The following PPP1R1C variants were observed in gnomAD, a reference collection of about 807,000 sequenced individuals.
PPP1R1C encodes the protein protein phosphatase 1 regulatory subunit 1C.
PPP1R1C carries 15 observed loss-of-function variants against 17.4 expected under a neutral mutation model. The ratio of observed to expected loss-of-function variants is 0.86; its 90% CI spans 0.58 to 1.33. The LOEUF (loss-of-function observed/expected upper bound fraction) is 1.33, where lower values mean the gene tolerates loss of function less well. Among genes scored for constraint, PPP1R1C ranks in the 40% most tolerant of loss-of-function variants. The pLI, the probability that PPP1R1C is intolerant of heterozygous loss-of-function variation, is 0.00. For missense variants in PPP1R1C, 143 were observed against 130.0 expected, an observed-to-expected ratio of 1.10 and a Z score of -0.48; for synonymous variants, 35 against 43.1, an observed-to-expected ratio of 0.81 and a Z score of 0.73.
At position 181,972,495 on chromosome 2, in the gene PPP1R1C, CA is replaced by C. The variant is rs139608076; in HGVS notation, n.112-2714del. On this transcript the variant is annotated intron_variant and non_coding_transcript_variant, in intron 1 of 5. Coordinates refer to the PPP1R1C transcript ENST00000464264. ...TTCGTGTAATTACTTTTTAATAGGA[CA>C]AAAAAAAAACACAATACATCAACAA... Among the ~76,000 whole-genome samples, 97 of 143,366 alleles carry C rather than the reference CA, an allele frequency of 6.8e-4. 1 individual carries two copies. The highest frequency in any genetic ancestry group is 1.9e-3 in the Admixed American group (27 of 14,382). The allele number at this position is 143,366 out of a possible 152,430, so 94.1% of individuals were successfully genotyped here. A position where few individuals can be genotyped will look rare whatever the true frequency, so the allele number is the denominator to read the frequency against.
rs183674089 is a variant in PPP1R1C, at chr2:181,957,828, G to C, written n.111+3194G>C. On this transcript the variant is annotated intron_variant and non_coding_transcript_variant, in intron 1 of 5. Transcript: ENST00000464264. The surrounding 1 kb of genome is among the most constrained non-coding windows in gnomAD (Gnocchi z 4.2). ...TCTTCTGGTGGCTGAGGGTCTTGTT[G>C]GATGACTGCATTGCTAATCTTGCCA... Among the ~76,000 whole-genome samples, 16 of 152,272 alleles carry C rather than the reference G, an allele frequency of 1.1e-4. No homozygotes were observed. The highest frequency in any genetic ancestry group is 3.3e-4 in the Admixed American group (5 of 15,294).
In PPP1R1C at chr2:181,961,555, T is replaced by A; in HGVS notation, n.111+6921T>A. On this transcript the variant is annotated intron_variant and non_coding_transcript_variant, in intron 1 of 5. Coordinates refer to the PPP1R1C transcript ENST00000464264. This position sits in a 1 kb window ranked among gnomAD's most constrained non-coding sequence, Gnocchi z 5.8. ...CTTCAGATTTCTCATGGAGTCCAGG[T>A]CCATCTTTAAGGACTGGACTGTACG... 1 of 805,154 alleles carries A rather than the reference T, an allele frequency of 1.2e-6. No homozygotes were observed. Among genetic ancestry groups the A allele is most frequent in the Middle Eastern group, 3.0e-4 (1 of 3,348 alleles). 49.9% of individuals were successfully genotyped at this position (805,154 alleles called of 1,614,324 possible).
chr2:182,049,149 A>G (rs1353596677), intron 2 of PPP1R1C, among the ~76,000 whole-genome samples: 3 of 152,158 alleles, frequency 2.0e-5, no homozygotes, highest in East Asian at 3.9e-4. Context: ...TCTGGCCAAC[A>G]TGGTGAAACC....
chr2:182,126,599 A>G (rs183117002), intron 5 of PPP1R1C, among the ~76,000 whole-genome samples: 52 of 152,174 alleles, frequency 3.4e-4, no homozygotes, highest in South Asian at 8.3e-4. Flanking sequence ...AACATCTCAC[A>G]TAATTCACAC....
chr2:182,020,467 A>C (rs1002199222), intron 2 of PPP1R1C, among the ~76,000 whole-genome samples: 1 of 152,146 alleles, frequency 6.6e-6, no homozygotes, highest in Admixed American at 6.5e-5. Flanking sequence ...GGTAAAGGTA[A>C]ACGTTTGCAG....
At chr2:182,033,206 G>A (rs1031723584) in intron 2 of PPP1R1C, among the ~76,000 whole-genome samples, 19 of 151,968 alleles carry the variant, frequency 1.3e-4, no homozygotes, top group African/African-American at 4.4e-4. Flanking sequence ...ATCTTGCTCT[G>A]CTCCTAAGTT....
At chr2:182,066,968 TTG>T (rs3064017) in intron 4 of PPP1R1C, among the ~76,000 whole-genome samples, 9,073 of 144,740 alleles carry the variant, frequency 0.063, 379 homozygotes, top group East Asian at 0.18. Context: ...GTGTGTGTGT[TTG>T]TGTGTGTGTG....
In PPP1R1C at chr2:182,051,527, C is replaced by T. The variant is rs182662331; in HGVS notation, c.143-9915C>T. 5.3e-5 allele frequency among the ~76,000 whole-genome samples: 8 copies of T among 152,178 alleles called. No individual in the cohort carries two copies. In the East Asian group the frequency reaches 7.7e-4, roughly 15 times the overall value. On this transcript the variant is annotated intron_variant, in intron 2 of 4. Transcript: ENST00000682840. ...TCCATTGATAGACATTTAAAAAAAA[C>T]GGTCACGAAATAACTTTATCACCAT...
chr2:182,095,352 C>A (rs1688902035), intron 4 of PPP1R1C, among the ~76,000 whole-genome samples: 1 of 151,946 alleles, frequency 6.6e-6, no homozygotes, highest in South Asian at 2.1e-4. Context: ...CCTATATAAT[C>A]TTTTTAAAAT....
intron 4 of PPP1R1C, among the ~76,000 whole-genome samples, chr2:182,081,073 C>G (rs1688460844): frequency 6.6e-6 from 1 of 152,164 alleles, no homozygotes; most frequent in African/African-American, 2.4e-5. Context: ...TGATGATTAA[C>G]TTCATTTAAA....
At chr2:182,014,467 C>T (rs1236684290) in intron 2 of PPP1R1C, among the ~76,000 whole-genome samples, 2 of 151,726 alleles carry the variant, frequency 1.3e-5, no homozygotes, top group Admixed American at 1.3e-4. Context: ...GTGTGGCCAC[C>T]ACTGGGACTG....
chr2:182,016,085 T>C (rs1353034914), intron 2 of PPP1R1C, among the ~76,000 whole-genome samples: 4 of 152,112 alleles, frequency 2.6e-5, no homozygotes, highest in African/African-American at 4.8e-5. Flanking sequence ...ACTACCTGAG[T>C]CTCAGGATTC....
intron 1 of PPP1R1C, among the ~76,000 whole-genome samples, chr2:181,972,908 A>T (rs952345882): frequency 6.6e-6 from 1 of 152,188 alleles, no homozygotes; most frequent in South Asian, 2.1e-4. Flanking sequence ...CCTGCTAGAA[A>T]TTTCATGTTC....
chr2:182,002,935 C>CT (rs1553502177), intron 2 of PPP1R1C, among the ~76,000 whole-genome samples: 3 of 138,836 alleles, frequency 2.2e-5, no homozygotes, highest in Non-Finnish European at 1.6e-5. Flanking sequence ...AAACCTCCCC[C>CT]CCCCCACAAC....
At chr2:182,061,420 A>T in intron 2 of PPP1R1C, 22 bp from the exon 3 acceptor site, 1 of 1,427,534 alleles carries the variant, frequency 7.0e-7, no homozygotes, top group Non-Finnish European at 9.4e-7. Context: ...TGCCTAATAC[A>T]TTCTACCTAC....
intron 2 of PPP1R1C, chr2:182,023,817 T>G (rs1385322246): frequency 6.6e-6 from 1 of 151,998 alleles, no homozygotes; most frequent in Non-Finnish European, 1.5e-5. Flanking sequence ...AATTTTTTTT[T>G]GTAGAAACCA....
chr2:182,081,820 G>A (rs1364120115), intron 4 of PPP1R1C, among the ~76,000 whole-genome samples: 1 of 152,100 alleles, frequency 6.6e-6, no homozygotes, highest in Admixed American at 6.5e-5. Flanking sequence ...ATAAAAGGCT[G>A]TGCCCATTTC....
chr2:182,051,054 C>A (rs112110780), intron 2 of PPP1R1C, among the ~76,000 whole-genome samples: 1 of 152,192 alleles, frequency 6.6e-6, no homozygotes, highest in East Asian at 1.9e-4. Context: ...TGAAAATAAC[C>A]TATCCTCACC....
chr2:182,044,981 C>G (rs1574406615), intron 2 of PPP1R1C, among the ~76,000 whole-genome samples: 1 of 152,154 alleles, frequency 6.6e-6, no homozygotes, highest in South Asian at 2.1e-4. Flanking sequence ...GTCTCTCTAT[C>G]TATAGATATA....
Sources: gnomAD v4.1 joint callset for allele counts (sites outside exome capture counted in the v4.1 genomes callset) on GRCh38, gnomAD v4.1.1 for gene constraint, Gnocchi (gnomAD v3.1) non-coding constraint, MANE v1.5 for transcripts, NCBI Gene and HGNC (gene_info 2026-07-23, HGNC 2026-07-21) for gene names.